NFIC: variants seen among roughly 807,000 people sequenced by gnomAD.
The protein encoded by NFIC is nuclear factor 1 C-type.
Under a neutral mutation model 54.4 loss-of-function variants are expected in NFIC, and 12 were observed. That is an observed-to-expected ratio of 0.22 (90% CI 0.14 to 0.36). The LOEUF (loss-of-function observed/expected upper bound fraction) is 0.36, where lower values mean the gene tolerates loss of function less well. Ranked by LOEUF, NFIC falls within the 10% of genes least tolerant of loss-of-function variation. The pLI is 1.00. For synonymous variants in NFIC, 322 were observed against 319.2 expected (o/e 1.01, Z -0.09); for missense variants, 575 against 718.2 (o/e 0.80, Z 2.28).
chr19:3,423,384 C>T (rs2081981992), intron 2 of NFIC, among the ~76,000 whole-genome samples: 1 of 152,110 alleles, frequency 6.6e-6, no homozygotes, highest in African/African-American at 2.4e-5. Flanking sequence ...GACAGTTAGG[C>T]GACTTGCCTG....
Position 3,452,092 on chromosome 19 carries a change from T to G in NFIC, c.1085-390T>G, listed in dbSNP as rs1599718618. Among the ~76,000 whole-genome samples, 1 of 122,936 alleles carries G rather than the reference T, an allele frequency of 8.1e-6. No homozygotes were observed. The highest frequency in any genetic ancestry group is 1.6e-5 in the Non-Finnish European group (1 of 61,414). The allele number at this position is 122,936 out of a possible 152,430, so 80.7% of individuals were successfully genotyped here. A position where few individuals can be genotyped will look rare whatever the true frequency, so the allele number is the denominator to read the frequency against. ...TCATACCACTGCACTCCAGCCTGGGTGACTGTCTCAAAAAAAAAAAAAAAA... is the reference window on the plus strand; with the variant it reads ...TCATACCACTGCACTCCAGCCTGGGGGACTGTCTCAAAAAAAAAAAAAAAA... On this transcript the variant is annotated intron_variant, in intron 7 of 10. Coordinates refer to ENST00000443272, the MANE Select transcript of NFIC (RefSeq NM_001245002.2). The surrounding 1 kb of genome is among the most constrained non-coding windows in gnomAD (Gnocchi z 5.3).
chr19:3,411,625 G>A (rs2081762112), intron 2 of NFIC, among the ~76,000 whole-genome samples: 1 of 152,078 alleles, frequency 6.6e-6, no homozygotes, highest in Admixed American at 6.6e-5. Context: ...CGGCCCTCCA[G>A]TGCATTTTAA....
rs185654009 is a variant in NFIC at position 3,459,373 on chromosome 19, C to T, written c.1509+2738C>T. Among the ~76,000 whole-genome samples, 656 of 152,210 alleles carry T rather than the reference C, an allele frequency of 4.3e-3. 3 individuals carry two copies. The highest frequency in any genetic ancestry group is 0.015 in the African/African-American group (621 of 41,538). On this transcript the variant is annotated intron_variant, in intron 10 of 10. Coordinates refer to ENST00000443272, the MANE Select transcript of NFIC (RefSeq NM_001245002.2). The surrounding 1 kb of genome is among the most constrained non-coding windows in gnomAD (Gnocchi z 4.2). ...ACTGTGAGGCTGGGTGGCTCTGACG[C>T]CCTGGCCCCTCCCCTCTGTGATGTC...
intron 2 of NFIC, among the ~76,000 whole-genome samples, chr19:3,398,936 C>T (rs984250466): frequency 1.3e-5 from 2 of 152,250 alleles, no homozygotes; most frequent in East Asian, 1.9e-4. Flanking sequence ...CCATTAATGT[C>T]GTTATGATTA....
chr19:3,464,287 C>T lies in NFIC; in HGVS notation c.*1518C>T, dbSNP rs2082685850. 1.0e-6 allele frequency: 1 copy of T among 985,294 alleles called. No individual in the cohort carries two copies. The highest frequency in any genetic ancestry group is 1.2e-6 in the Non-Finnish European group (1 of 829,882). 61.0% of individuals were successfully genotyped at this position (985,294 alleles called of 1,614,324 possible). A position where few individuals can be genotyped will look rare whatever the true frequency, so the allele number is the denominator to read the frequency against. On this transcript the variant is annotated 3_prime_UTR_variant, in exon 11 of 11. Transcript: ENST00000443272. Reference sequence around the variant, plus strand: ...GAACGGGGAGGGTTTTCGGGGGGTTCGGCGTCGCACCTTGGGGCCCCCCGC... The same window carrying T: ...GAACGGGGAGGGTTTTCGGGGGGTTTGGCGTCGCACCTTGGGGCCCCCCGC...
rs562892940 is a variant in NFIC at position 3,431,810 on chromosome 19, T to C, written c.635-1708T>C. On this transcript the variant is annotated intron_variant, in intron 3 of 10. Transcript: ENST00000443272. The stretch of plus-strand genomic sequence containing the variant: ...TGAGCCACCACGCCCGGCATCCTTT[T>C]CACGGCTGAGTCCTATTCCAGTGTG... Among the ~76,000 whole-genome samples, 20 of 152,354 alleles carry C rather than the reference T, an allele frequency of 1.3e-4. No homozygotes were observed. In the South Asian group the frequency reaches 3.9e-3, roughly 30 times the overall value.
rs1056633179 is a variant in NFIC, at chr19:3,453,548, C to T, written c.1270-215C>T. On this transcript the variant is annotated intron_variant, in intron 8 of 10. Coordinates refer to ENST00000443272, the MANE Select transcript of NFIC (RefSeq NM_001245002.2). This position sits in a 1 kb window ranked among gnomAD's most constrained non-coding sequence, Gnocchi z 6.7. ...GCAGTGAGCGTGGCCCCAGTAGTGC[C>T]GGGCTTTGAGTGACACCAGCAAGCG... Among the ~76,000 whole-genome samples, 1 of 152,170 alleles carries T rather than the reference C, an allele frequency of 6.6e-6. No individual in the cohort carries two copies. Among genetic ancestry groups the T allele is most frequent in the African/African-American group, 2.4e-5 (1 of 41,436 alleles).
intron 2 of NFIC, among the ~76,000 whole-genome samples, chr19:3,392,291 C>T (rs1473730896): frequency 1.3e-5 from 2 of 152,020 alleles, no homozygotes; most frequent in African/African-American, 2.4e-5. Flanking sequence ...AGGCTGGTCT[C>T]GAACTTCTGA....
chr19:3,451,293 G>A (rs2082458903), intron 7 of NFIC, among the ~76,000 whole-genome samples: 1 of 152,134 alleles, frequency 6.6e-6, no homozygotes, highest in Admixed American at 6.6e-5. Context: ...CTGGGGCTGG[G>A]GGAGGAGGTG....
chr19:3,439,749 T>C (rs930275356), intron 6 of NFIC, among the ~76,000 whole-genome samples: 97 of 144,098 alleles, frequency 6.7e-4, no homozygotes, highest in Middle Eastern at 3.8e-3. Context: ...AGTGCAGTGG[T>C]GTGATCTCGG....
chr19:3,455,356 C>T (rs2082535305), intron 9 of NFIC, among the ~76,000 whole-genome samples: 1 of 150,066 alleles, frequency 6.7e-6, no homozygotes, highest in Admixed American at 6.6e-5. Flanking sequence ...TTAATAGATG[C>T]AGGATACTGT....
intron 3 of NFIC, among the ~76,000 whole-genome samples, chr19:3,425,685 C>T (rs570636109): frequency 6.6e-6 from 1 of 152,010 alleles, no homozygotes; most frequent in East Asian, 1.9e-4. Flanking sequence ...GTCTTGAACT[C>T]CTGACCTCAG....
chr19:3,399,444 T>C (rs1413843437), intron 2 of NFIC, among the ~76,000 whole-genome samples: 2 of 151,904 alleles, frequency 1.3e-5, no homozygotes, highest in East Asian at 1.9e-4. Context: ...GGCATGGTGA[T>C]GTGTGCCTGT....
chr19:3,409,138 A>C (rs2081706926), intron 2 of NFIC, among the ~76,000 whole-genome samples: 1 of 152,052 alleles, frequency 6.6e-6, no homozygotes, highest in South Asian at 2.1e-4. Context: ...AAGGCCCCGA[A>C]TGGTCCCGCT....
At position 3,463,767 on chromosome 19, in the gene NFIC, G is replaced by A. The variant is rs115020939; in HGVS notation, c.*998G>A. 83,421 of 985,082 alleles carry A rather than the reference G, an allele frequency of 0.085. 5,515 individuals are homozygous for A. Among genetic ancestry groups the A allele is most frequent in the African/African-American group, 0.33 (19,087 of 57,152 alleles). 61.0% of individuals were successfully genotyped at this position (985,082 alleles called of 1,614,324 possible). On this transcript the variant is annotated 3_prime_UTR_variant, in exon 11 of 11. Coordinates refer to ENST00000443272, the MANE Select transcript of NFIC (RefSeq NM_001245002.2). ...GGAGCCCGGACACCCAGAGCTCCCC[G>A]AGTTGGGGGTGCCCGTCTGGAGCGC...
rs778652022 is a variant in NFIC at position 3,464,083 on chromosome 19, C to A, written c.*1314C>A. The stretch of plus-strand genomic sequence containing the variant: ...TCTGGGGAAGCCGGTGCGCCCCCCA[C>A]GCCTCCGCTGCCAGTGCCTTACATT... On this transcript the variant is annotated 3_prime_UTR_variant, in exon 11 of 11. Transcript: ENST00000443272. The A allele has an allele frequency of 2.0e-6, 2 of 985,066 alleles. No homozygotes were observed. Among genetic ancestry groups the A allele is most frequent in the African/African-American group, 3.5e-5 (2 of 57,234 alleles). The allele number at this position is 985,066 out of a possible 1,614,324, so 61.0% of individuals were successfully genotyped here. A position where few individuals can be genotyped will look rare whatever the true frequency, so the allele number is the denominator to read the frequency against.
At position 3,463,840 on chromosome 19, in the gene NFIC, C is replaced by CCTGATTA. The variant is rs1376057409; in HGVS notation, c.*1073_*1079dup. 2 of 984,802 alleles carry CCTGATTA rather than the reference C, an allele frequency of 2.0e-6. No individual in the cohort carries two copies. Among genetic ancestry groups the CCTGATTA allele is most frequent in the Non-Finnish European group, 2.4e-6 (2 of 829,748 alleles). 61.0% of individuals were successfully genotyped at this position (984,802 alleles called of 1,614,324 possible). A position where few individuals can be genotyped will look rare whatever the true frequency, so the allele number is the denominator to read the frequency against. ...GAGGTGAGAGCGAGTGGTTTAAGTG[C>CCTGATTA]CTGATTACCACCACCCGCCCCCCCC... is the stretch of plus-strand genomic sequence containing the variant. On this transcript the variant is annotated 3_prime_UTR_variant, in exon 11 of 11. Coordinates refer to ENST00000443272, the MANE Select transcript of NFIC (RefSeq NM_001245002.2).
intron 3 of NFIC, among the ~76,000 whole-genome samples, chr19:3,432,922 G>A (rs748572217): frequency 8.6e-5 from 13 of 151,850 alleles, no homozygotes; most frequent in Admixed American, 6.6e-4. Context: ...CTCCCGCCTC[G>A]GCCTCCCAAA....
intron 10 of NFIC, among the ~76,000 whole-genome samples, chr19:3,460,942 T>C (rs2082629675): frequency 6.6e-6 from 1 of 151,890 alleles, no homozygotes; most frequent in Non-Finnish European, 1.5e-5. Context: ...CTGGCCAACA[T>C]GGAGAAACCC....
Sources: gnomAD v4.1 joint callset for allele counts (sites outside exome capture counted in the v4.1 genomes callset) on GRCh38, gnomAD v4.1.1 for gene constraint, Gnocchi (gnomAD v3.1) non-coding constraint, MANE v1.5 for transcripts, NCBI Gene and HGNC (gene_info 2026-07-23, HGNC 2026-07-21) for gene names.